Variants in ZDHHC2 observed in about 807,000 individuals in gnomAD.
The protein encoded by ZDHHC2 is zDHHC palmitoyltransferase 2, also known as palmitoyltransferase ZDHHC2.
ZDHHC2 carries 51 observed loss-of-function variants against 55.6 expected under a neutral mutation model. That is an observed-to-expected ratio of 0.92 (90% CI 0.73 to 1.16). The LOEUF (loss-of-function observed/expected upper bound fraction) is 1.16. Among genes scored for constraint, ZDHHC2 ranks in the 50% most tolerant of loss-of-function variants. The probability of loss-of-function intolerance (pLI) is 0.00; values close to 1 mark genes in which losing one functional copy is unlikely to be tolerated. For missense variants in ZDHHC2, 491 were observed against 442.4 expected, an observed-to-expected ratio of 1.11 and a Z score of -0.99; for synonymous variants, 199 against 152.9, an observed-to-expected ratio of 1.30 and a Z score of -2.22.
intron 6 of ZDHHC2, among the ~76,000 whole-genome samples, chr8:17,199,626 T>TTTC (rs1554466250): frequency 4.1e-4 from 20 of 48,678 alleles, no homozygotes; most frequent in South Asian, 1.6e-3. Context: ...TTCTTCTTCC[T>TTTC]TTCTTCTTCT....
At chr8:17,185,349 T>C (rs945711004) in intron 2 of ZDHHC2, among the ~76,000 whole-genome samples, 11 of 152,098 alleles carry the variant, frequency 7.2e-5, no homozygotes, top group African/African-American at 2.7e-4. Context: ...ATTATCACCA[T>C]ATAGAAAATT....
At chr8:17,201,024 G>A (rs1456160904) in intron 6 of ZDHHC2, among the ~76,000 whole-genome samples, 1 of 152,194 alleles carries the variant, frequency 6.6e-6, no homozygotes, top group African/African-American at 2.4e-5. Flanking sequence ...CTCACTTGGT[G>A]CCAGCTGAAT....
At chr8:17,168,808 A>C (rs1466386496) in intron 1 of ZDHHC2, among the ~76,000 whole-genome samples, 2 of 152,118 alleles carry the variant, frequency 1.3e-5, no homozygotes, top group Admixed American at 6.6e-5. Flanking sequence ...CCTGTGTTGT[A>C]GCATGTGTCA....
intron 6 of ZDHHC2, among the ~76,000 whole-genome samples, chr8:17,199,604 T>TCTTCTTC (rs773086497): frequency 1.7e-3 from 77 of 44,746 alleles, no homozygotes; most frequent in South Asian, 5.6e-3. Flanking sequence ...TCTTCTTTAT[T>TCTTCTTC]CTTTCTTCTT....
intron 1 of ZDHHC2, among the ~76,000 whole-genome samples, chr8:17,182,937 T>C (rs983573082): frequency 6.6e-6 from 1 of 152,208 alleles, no homozygotes; most frequent in Non-Finnish European, 1.5e-5. Flanking sequence ...ATTTTCTGTA[T>C]TTTTAGTAGA....
chr8:17,167,573 G>A (rs1004354495), intron 1 of ZDHHC2, among the ~76,000 whole-genome samples: 1 of 151,954 alleles, frequency 6.6e-6, no homozygotes, highest in Non-Finnish European at 1.5e-5. Context: ...TGGGATTATA[G>A]GCGTGAGCCA....
intron 6 of ZDHHC2, among the ~76,000 whole-genome samples, 153 bp downstream of exon 6, chr8:17,198,566 A>G (rs1178863941): frequency 6.6e-6 from 1 of 152,218 alleles, no homozygotes; most frequent in Non-Finnish European, 1.5e-5. Flanking sequence ...TGTTTAACTT[A>G]AAAGAGCCTT....
intron 10 of ZDHHC2, among the ~76,000 whole-genome samples, chr8:17,213,320 C>T (rs1157283572): frequency 6.6e-6 from 1 of 151,494 alleles, no homozygotes; most frequent in Non-Finnish European, 1.5e-5. Flanking sequence ...GTGACGCAGT[C>T]TCGGCTCACT....
chr8:17,199,576 C>CTTCTTCTTCTTCT (rs1806586360), intron 6 of ZDHHC2, among the ~76,000 whole-genome samples: 1 of 38,278 alleles, frequency 2.6e-5, no homozygotes, highest in South Asian at 8.0e-4. Flanking sequence ...TCGTCTTTGT[C>CTTCTTCTTCTTCT]TTCTTCTTCT....
intron 3 of ZDHHC2, among the ~76,000 whole-genome samples, chr8:17,193,531 C>G (rs1806144299): frequency 6.6e-6 from 1 of 152,212 alleles, no homozygotes; most frequent in African/African-American, 2.4e-5. Context: ...ATTATGTCCA[C>G]TGCCTGCCTC....
intron 6 of ZDHHC2, among the ~76,000 whole-genome samples, chr8:17,202,818 T>C (rs1278515441): frequency 6.6e-6 from 1 of 151,960 alleles, no homozygotes; most frequent in Admixed American, 6.6e-5. Context: ...CTCTAAAATA[T>C]ATGGTCTTCA....
chr8:17,160,341 G>A (rs1804274772), intron 1 of ZDHHC2, among the ~76,000 whole-genome samples: 1 of 152,194 alleles, frequency 6.6e-6, no homozygotes, highest in African/African-American at 2.4e-5. Flanking sequence ...GCTATGGGAC[G>A]TTTATGATGA....
chr8:17,177,798 C>T (rs116886906), intron 1 of ZDHHC2, among the ~76,000 whole-genome samples: 3,001 of 150,088 alleles, frequency 0.02, 51 homozygotes, highest in Non-Finnish European at 0.032. Context: ...GGGTGGGGGG[C>T]GGTATTCTTC....
rs553516941 is a variant in ZDHHC2 at position 17,185,466 on chromosome 8, G to A, written c.157+651G>A. On this transcript the variant is annotated intron_variant, in intron 2 of 12. Transcript: ENST00000262096. The stretch of plus-strand genomic sequence containing the variant: ...GAGGTCAGAAGTTCAAGACCAGCCT[G>A]GCCAGCATGGTGAAACCCTGTCTCT... Among the ~76,000 whole-genome samples the A allele has an allele frequency of 3.3e-5, 5 of 151,928 alleles. No individual in the cohort carries two copies. In the South Asian group the frequency reaches 1.0e-3, roughly 32 times the overall value.
In ZDHHC2 at chr8:17,222,443, C is replaced by T. The variant is rs1210950216; in HGVS notation, c.*2222C>T. The T allele has an allele frequency of 1.3e-5, 2 of 151,608 alleles. No individual in the cohort carries two copies. The highest frequency in any genetic ancestry group is 2.1e-4 in the South Asian group (1 of 4,824). 9.4% of individuals were successfully genotyped at this position (151,608 alleles called of 1,614,324 possible). On this transcript the variant is annotated 3_prime_UTR_variant, in exon 13 of 13. Coordinates refer to ENST00000262096, the MANE Select transcript of ZDHHC2 (RefSeq NM_016353.5). ...CTTTAAAAAATTTAATGGCTTAACT[C>T]GAACTTGAAGACACATACTTCAACT... is the stretch of plus-strand genomic sequence containing the variant.
Position 17,160,964 on chromosome 8 carries a change from A to G in ZDHHC2, c.130+4111A>G, listed in dbSNP as rs932458198. Among the ~76,000 whole-genome samples the G allele has an allele frequency of 2.6e-5, 4 of 152,238 alleles. No individual in the cohort carries two copies. In the East Asian group the frequency reaches 7.7e-4, roughly 29 times the overall value. On this transcript the variant is annotated intron_variant, in intron 1 of 12. Transcript: ENST00000262096. ...ACTAGAATCTTGAGGTTTTACTCGC[A>G]GTTTTGCTGTCTTTATTACTAAACA...
At chr8:17,161,970 T>C (rs548801899) in intron 1 of ZDHHC2, among the ~76,000 whole-genome samples, 2 of 152,368 alleles carry the variant, frequency 1.3e-5, no homozygotes, top group South Asian at 4.1e-4. Context: ...TTTGAATTTA[T>C]GTGAATAGGG....
At chr8:17,175,282 T>C (rs1407553483) in intron 1 of ZDHHC2, among the ~76,000 whole-genome samples, 3 of 152,100 alleles carry the variant, frequency 2.0e-5, no homozygotes, top group Admixed American at 1.3e-4. Context: ...CTGGGAGACG[T>C]AGGGCAAAAG....
intron 5 of ZDHHC2, 67 bp from the exon 6 acceptor site, chr8:17,198,314 T>A: frequency 7.1e-7 from 1 of 1,402,802 alleles, no homozygotes; most frequent in South Asian, 1.5e-5. Flanking sequence ...ATAATTTATA[T>A]TTTTATAATT....
Sources: gnomAD v4.1 joint callset for allele counts (sites outside exome capture counted in the v4.1 genomes callset) on GRCh38, gnomAD v4.1.1 for gene constraint, MANE v1.5 for transcripts, NCBI Gene and HGNC (gene_info 2026-07-23, HGNC 2026-07-21) for gene names.